The following FBXW8 variants were observed in gnomAD, a reference collection of about 807,000 sequenced individuals.
The protein encoded by FBXW8 is F-box and WD repeat domain containing 8.
FBXW8 carries 57 observed loss-of-function variants against 65.3 expected under a neutral mutation model. The observed-to-expected ratio is 0.87, with a 90% CI of 0.71 to 1.09. The LOEUF (loss-of-function observed/expected upper bound fraction) is 1.09. FBXW8 is among the 50% of genes least tolerant of loss of function. The probability of loss-of-function intolerance (pLI) is 0.00; values close to 1 mark genes in which losing one functional copy is unlikely to be tolerated. For synonymous variants in FBXW8, 308 were observed against 330.2 expected (o/e 0.93, Z 0.73); for missense variants, 777 against 814.8 (o/e 0.95, Z 0.57).
At chr12:116,943,206 C>G (rs1349161647) in intron 2 of FBXW8, among the ~76,000 whole-genome samples, 1 of 152,144 alleles carries the variant, frequency 6.6e-6, no homozygotes, top group Non-Finnish European at 1.5e-5. Context: ...TCTGGACTTT[C>G]TCAGGGTTAG....
At chr12:116,962,238 AGTGCT>A (rs1884029485) in intron 4 of FBXW8, among the ~76,000 whole-genome samples, 2 of 152,120 alleles carry the variant, frequency 1.3e-5, no homozygotes, top group African/African-American at 4.8e-5. Flanking sequence ...ATATGAATAG[AGTGCT>A]GTTATCTGTG....
intron 8 of FBXW8, among the ~76,000 whole-genome samples, chr12:117,011,725 A>G (rs1290873197): frequency 6.6e-6 from 1 of 152,044 alleles, no homozygotes; most frequent in Non-Finnish European, 1.5e-5. Flanking sequence ...CGATGTGGAG[A>G]GCTCTTTGGG....
intron 7 of FBXW8, among the ~76,000 whole-genome samples, chr12:116,992,643 A>T (rs1490510075): frequency 6.6e-6 from 1 of 152,102 alleles, no homozygotes; most frequent in African/African-American, 2.4e-5. Flanking sequence ...ATAAGTGAGA[A>T]CATGCTGTAT....
intron 8 of FBXW8, among the ~76,000 whole-genome samples, chr12:117,013,218 G>A (rs1031460450): frequency 2.0e-5 from 3 of 150,012 alleles, no homozygotes; most frequent in Non-Finnish European, 4.4e-5. Context: ...CTCCAGCCTG[G>A]GTGACAGAGC....
At chr12:116,929,715 A>C (rs1881622462) in intron 2 of FBXW8, among the ~76,000 whole-genome samples, 2 of 152,152 alleles carry the variant, frequency 1.3e-5, no homozygotes. Context: ...CTTAAAATCT[A>C]TCTCTTAGTG....
intron 1 of FBXW8, among the ~76,000 whole-genome samples, chr12:116,924,452 A>C (rs890924672): frequency 6.6e-6 from 1 of 152,222 alleles, no homozygotes; most frequent in African/African-American, 2.4e-5. Context: ...TCTTCTAGCT[A>C]TTTGAAAATA....
chr12:116,922,478 T>G (rs1053407787), intron 1 of FBXW8, among the ~76,000 whole-genome samples: 2 of 152,234 alleles, frequency 1.3e-5, no homozygotes, highest in African/African-American at 4.8e-5. Context: ...GAGAGATCTT[T>G]CATGTCCTCT....
In FBXW8 at chr12:116,985,282, A is replaced by C; in HGVS notation, c.912A>C (p.Ala304=). ...HRFEHDARIQ[A]LALSQDDATV... ...TTGAGCACGATGCAAGAATACAGGC[A>C]CTAGCCCTCAGCCAGGACGATGCAA... The change falls in exon 6 of 11, where the codon GCA becomes GCC. Residue 304 remains alanine, a synonymous_variant. Coordinates refer to ENST00000652555, the MANE Select transcript of FBXW8 (RefSeq NM_153348.3). 10 of 1,614,226 alleles carry C rather than the reference A, an allele frequency of 6.2e-6. No individual in the cohort carries two copies. The highest frequency in any genetic ancestry group is 8.5e-6 in the Non-Finnish European group (10 of 1,180,028).
intron 5 of FBXW8, among the ~76,000 whole-genome samples, chr12:116,966,256 A>G (rs1390247641): frequency 1.3e-5 from 2 of 152,162 alleles, no homozygotes; most frequent in East Asian, 1.9e-4. Flanking sequence ...CATGTTTGCT[A>G]CTTTCCAAAT....
At chr12:117,011,021 C>T (rs1333477866) in intron 8 of FBXW8, among the ~76,000 whole-genome samples, 5 of 152,178 alleles carry the variant, frequency 3.3e-5, no homozygotes, top group African/African-American at 7.2e-5. Flanking sequence ...CAGCCCCGGG[C>T]GCCCCAGGAA....
At chr12:116,994,619 A>T (rs1953334380) in intron 7 of FBXW8, among the ~76,000 whole-genome samples, 1 of 152,252 alleles carries the variant, frequency 6.6e-6, no homozygotes, top group Non-Finnish European at 1.5e-5. Context: ...CAATGAGAAT[A>T]GTAAAGTGCT....
intron 8 of FBXW8, among the ~76,000 whole-genome samples, chr12:117,017,855 A>G (rs1429146879): frequency 6.6e-6 from 1 of 152,116 alleles, no homozygotes; most frequent in Non-Finnish European, 1.5e-5. Context: ...ATCCAAGCCA[A>G]TAGGAAGCAC....
intron 1 of FBXW8, among the ~76,000 whole-genome samples, chr12:116,915,640 CTTTTTTTTTTTTTTTTT>C (rs57687048): frequency 6.5e-5 from 5 of 77,192 alleles, no homozygotes; most frequent in Non-Finnish European, 1.2e-4. Flanking sequence ...CACCTGACTA[CTTTTTTTTTTTTTTTTT>C]TTTTTTTTTT....
chr12:117,024,592 T>C (rs1007742738), intron 9 of FBXW8, among the ~76,000 whole-genome samples: 17 of 152,230 alleles, frequency 1.1e-4, no homozygotes, highest in African/African-American at 4.1e-4. Context: ...GGCCCAGCTT[T>C]CTCTAAGAAT....
At chr12:116,932,054 A>T (rs1881811244) in intron 2 of FBXW8, among the ~76,000 whole-genome samples, 1 of 152,100 alleles carries the variant, frequency 6.6e-6, no homozygotes, top group African/African-American at 2.4e-5. Context: ...TCATGAAAGG[A>T]TCTTGAATTT....
At chr12:116,926,114 C>T (rs1881308924) in intron 1 of FBXW8, among the ~76,000 whole-genome samples, 1 of 152,134 alleles carries the variant, frequency 6.6e-6, no homozygotes, top group Non-Finnish European at 1.5e-5. Flanking sequence ...ACTAGAACAG[C>T]TAAAAACAAA....
At chr12:116,973,707 G>A (rs1884764010) in intron 5 of FBXW8, among the ~76,000 whole-genome samples, 1 of 152,170 alleles carries the variant, frequency 6.6e-6, no homozygotes, top group Non-Finnish European at 1.5e-5. Context: ...ACTATTCCAG[G>A]TGGAAAGAGA....
intron 8 of FBXW8, among the ~76,000 whole-genome samples, chr12:117,020,476 C>T (rs905432316): frequency 6.6e-6 from 1 of 152,216 alleles, no homozygotes; most frequent in Admixed American, 6.5e-5. Context: ...GCGTGTGGTG[C>T]ACCACCCCTT....
Position 116,949,600 on chromosome 12 carries a change from C to A in FBXW8, c.589-18C>A. 1 of 1,613,368 alleles carries A rather than the reference C, an allele frequency of 6.2e-7. No homozygotes were observed. Among genetic ancestry groups the A allele is most frequent in the African/African-American group, 1.3e-5 (1 of 75,018 alleles). On this transcript the variant is annotated intron_variant, in intron 3 of 10. Coordinates refer to ENST00000652555, the MANE Select transcript of FBXW8 (RefSeq NM_153348.3). ...TCCCGAGAGCAGTCTAAACTGCATC[C>A]CCCTTTTCCTCACGCAGAATCGCAA...
Sources: gnomAD v4.1 joint callset for allele counts (sites outside exome capture counted in the v4.1 genomes callset) on GRCh38, gnomAD v4.1.1 for gene constraint, MANE v1.5 for transcripts, NCBI Gene and HGNC (gene_info 2026-07-23, HGNC 2026-07-21) for gene names.